Variants in GRM7 observed in about 807,000 individuals in gnomAD.
GRM7 encodes glutamate metabotropic receptor 7.
Under a neutral mutation model 84.5 loss-of-function variants are expected in GRM7, and 35 were observed. The observed-to-expected ratio is 0.41, with a 90% CI of 0.32 to 0.55. The LOEUF (loss-of-function observed/expected upper bound fraction) is 0.55. GRM7 is among the 20% of genes least tolerant of loss of function. GRM7 has a pLI of 0.19. For missense variants in GRM7, 1,003 were observed against 1,194.6 expected (o/e 0.84, Z 2.36); for synonymous variants, 487 against 455.1 (o/e 1.07, Z -0.89).
chr3:7,234,202 C>T (rs1697279335), intron 2 of GRM7, among the ~76,000 whole-genome samples: 1 of 152,036 alleles, frequency 6.6e-6, no homozygotes, highest in Non-Finnish European at 1.5e-5. Context: ...AATAAGGTGA[C>T]TTTTGGAATT....
chr3:7,442,093 A>G (rs1056002160), intron 5 of GRM7, among the ~76,000 whole-genome samples: 2 of 151,938 alleles, frequency 1.3e-5, no homozygotes, highest in Non-Finnish European at 2.9e-5. Flanking sequence ...TTTTAACAAT[A>G]TTGATTCTTC....
intron 8 of GRM7, among the ~76,000 whole-genome samples, chr3:7,587,009 C>A (rs1037108597): frequency 6.6e-6 from 1 of 152,092 alleles, no homozygotes; most frequent in Non-Finnish European, 1.5e-5. Context: ...AGAATTACAA[C>A]GAGGCATGAG....
At chr3:6,908,291 G>A (rs908854808) in intron 1 of GRM7, among the ~76,000 whole-genome samples, 1 of 152,148 alleles carries the variant, frequency 6.6e-6, no homozygotes. Context: ...TTCTTTCACA[G>A]TTATCTTCAC....
chr3:7,599,329 T>C (rs1270165206), intron 8 of GRM7, among the ~76,000 whole-genome samples: 1 of 152,194 alleles, frequency 6.6e-6, no homozygotes, highest in Non-Finnish European at 1.5e-5. Flanking sequence ...TCTTTTCTTT[T>C]CATAAAACTG....
At chr3:7,068,820 A>G (rs933482332) in intron 1 of GRM7, among the ~76,000 whole-genome samples, 1 of 151,874 alleles carries the variant, frequency 6.6e-6, no homozygotes, top group Non-Finnish European at 1.5e-5. Flanking sequence ...AGCTGCCTCA[A>G]AAAAACCCCT....
intron 9 of GRM7, among the ~76,000 whole-genome samples, chr3:7,693,059 A>T (rs750165595): frequency 2.0e-5 from 3 of 151,898 alleles, no homozygotes; most frequent in Non-Finnish European, 2.9e-5. Flanking sequence ...ATGGTCTAAA[A>T]ATTTAAATAC....
chr3:7,343,332 T>C (rs1306518028), intron 4 of GRM7, among the ~76,000 whole-genome samples: 1 of 151,992 alleles, frequency 6.6e-6, no homozygotes, highest in Non-Finnish European at 1.5e-5. Flanking sequence ...CTCCTAGGCT[T>C]AAGCAATCCT....
chr3:7,099,208 A>G lies in GRM7; in HGVS notation c.520-47244A>G, dbSNP rs574493082. On this transcript the variant is annotated intron_variant, in intron 1 of 9. Coordinates refer to ENST00000357716, the MANE Select transcript of GRM7 (RefSeq NM_000844.4). Reference sequence around the variant, plus strand: ...CATATATATATATACGTATTATTATATTGCATATAATAATACATGTATTAT... The same window carrying G: ...CATATATATATATACGTATTATTATGTTGCATATAATAATACATGTATTAT... Among the ~76,000 whole-genome samples, 7 of 149,372 alleles carry G rather than the reference A, an allele frequency of 4.7e-5. No individual in the cohort carries two copies. The South Asian group carries it at 1.5e-3, about 31-fold the overall frequency.
In GRM7 at chr3:7,012,643, C is replaced by T. The variant is rs138083577; in HGVS notation, c.520-133809C>T. On this transcript the variant is annotated intron_variant, in intron 1 of 9. Coordinates refer to ENST00000357716, the MANE Select transcript of GRM7 (RefSeq NM_000844.4). Reference sequence around the variant, plus strand: ...TAAGACTCTTATTAAGTAAGAGGTGCCTTCCCATAGAAAAGGAACGTCCTT... The same window carrying T: ...TAAGACTCTTATTAAGTAAGAGGTGTCTTCCCATAGAAAAGGAACGTCCTT... Among the ~76,000 whole-genome samples, 162 of 152,238 alleles carry T rather than the reference C, an allele frequency of 1.1e-3. 2 individuals carry two copies. Among genetic ancestry groups the T allele is most frequent in the African/African-American group, 3.6e-3 (150 of 41,554 alleles).
At chr3:7,564,691 T>A (rs1174263300) in intron 7 of GRM7, among the ~76,000 whole-genome samples, 1 of 152,184 alleles carries the variant, frequency 6.6e-6, no homozygotes, top group African/African-American at 2.4e-5. Context: ...GTAACTGCCA[T>A]GTCTCAGGCA....
chr3:7,535,676 C>G (rs2125010044), intron 7 of GRM7, among the ~76,000 whole-genome samples: 1 of 152,258 alleles, frequency 6.6e-6, no homozygotes, highest in East Asian at 1.9e-4. Flanking sequence ...ACTCTTTACT[C>G]TTCATGCACA....
intron 8 of GRM7, among the ~76,000 whole-genome samples, chr3:7,644,370 C>T (rs1340213325): frequency 1.3e-5 from 2 of 151,878 alleles, no homozygotes; most frequent in African/African-American, 4.8e-5. Context: ...AACCACAGAC[C>T]TTCTGATAAT....
chr3:7,127,642 A>G (rs191639892), intron 1 of GRM7, among the ~76,000 whole-genome samples: 8 of 152,200 alleles, frequency 5.3e-5, no homozygotes, highest in African/African-American at 1.2e-4. Flanking sequence ...CATAACATAT[A>G]TAATATTTTT....
At chr3:7,550,506 CCTT>C (rs1240946822) in intron 7 of GRM7, among the ~76,000 whole-genome samples, 3 of 137,604 alleles carry the variant, frequency 2.2e-5, no homozygotes, top group Non-Finnish European at 4.6e-5. Flanking sequence ...TCCTCCTCTT[CCTT>C]CTTATTCTTC....
In GRM7 at chr3:7,063,748, A is replaced by G. The variant is rs957000396; in HGVS notation, c.520-82704A>G. Among the ~76,000 whole-genome samples, 12 of 151,824 alleles carry G rather than the reference A, an allele frequency of 7.9e-5. 1 individual carries two copies. The highest frequency in any genetic ancestry group is 3.9e-4 in the Admixed American group (6 of 15,190). On this transcript the variant is annotated intron_variant, in intron 1 of 9. Coordinates refer to ENST00000357716, the MANE Select transcript of GRM7 (RefSeq NM_000844.4). The stretch of plus-strand genomic sequence containing the variant: ...AGACCCAAGGTCACCCCCTATTCCA[A>G]TGGAGTGTTGTATTACTTGCAAAGT...
chr3:6,880,357 CT>C (rs1417274612), intron 1 of GRM7, among the ~76,000 whole-genome samples: 1 of 152,152 alleles, frequency 6.6e-6, no homozygotes, highest in Non-Finnish European at 1.5e-5. Flanking sequence ...TCTAAAAACT[CT>C]TTGAAAAATG....
chr3:7,032,009 C>G (rs1696205263), intron 1 of GRM7, among the ~76,000 whole-genome samples: 1 of 152,170 alleles, frequency 6.6e-6, no homozygotes, highest in African/African-American at 2.4e-5. Context: ...AAATGACAAT[C>G]TATGCTTTTA....
At chr3:7,124,850 A>G (rs1228817382) in intron 1 of GRM7, among the ~76,000 whole-genome samples, 1 of 152,212 alleles carries the variant, frequency 6.6e-6, no homozygotes, top group Non-Finnish European at 1.5e-5. Flanking sequence ...GATTTAAAAC[A>G]TTAATGAAAT....
intron 2 of GRM7, among the ~76,000 whole-genome samples, chr3:7,253,896 C>T (rs765585017): frequency 2.6e-5 from 4 of 152,204 alleles, no homozygotes; most frequent in Admixed American, 1.3e-4. Flanking sequence ...TCCCCTTTCC[C>T]GGGTCCTTGA....
Sources: allele counts gnomAD v4.1 joint callset (sites outside exome capture counted in the v4.1 genomes callset), GRCh38; gene constraint gnomAD v4.1.1; transcripts MANE v1.5; gene names NCBI Gene and HGNC (gene_info 2026-07-23, HGNC 2026-07-21).